PRP4K: variants seen among roughly 807,000 people sequenced by gnomAD.
PRP4K encodes pre-mRNA processing factor kinase PRP4K.
At chr6:4,047,286 AT>A in the PRP4K span, 8 of 1,464,640 alleles carry the variant, frequency 5.5e-6, no homozygotes, top group East Asian at 2.3e-5. Context: ...ACAAAAAAAA[AT>A]AACAAATATA....
the PRP4K span, among the ~76,000 whole-genome samples, chr6:4,057,782 TCTTG>T: frequency 7.6e-6 from 1 of 131,158 alleles, no homozygotes; most frequent in East Asian, 2.4e-4. Context: ...TGAGACGGAG[TCTTG>T]CTTTGTCGCC....
the PRP4K span, chr6:4,032,650 A>T: frequency 6.2e-7 from 1 of 1,614,086 alleles, no homozygotes; most frequent in Non-Finnish European, 8.5e-7. Flanking sequence ...AGATCTAAGC[A>T]GAGCAAATCC....
chr6:4,049,201 A>G, the PRP4K span: 20 of 1,146,922 alleles, frequency 1.7e-5, no homozygotes. Flanking sequence ...AGAACTCTGA[A>G]AAATCACATC....
At chr6:4,027,476 C>T in the PRP4K span, among the ~76,000 whole-genome samples, 1 of 152,020 alleles carries the variant, frequency 6.6e-6, no homozygotes, top group Non-Finnish European at 1.5e-5. Context: ...AGAATCTATG[C>T]TCTTTGATGC....
At chr6:4,054,676 T>G in the PRP4K span, among the ~76,000 whole-genome samples, 3 of 152,150 alleles carry the variant, frequency 2.0e-5, no homozygotes, top group Admixed American at 6.5e-5. Flanking sequence ...CCAGCTAATT[T>G]TTGTATTTTA....
At chr6:4,036,979 C>A in the PRP4K span, among the ~76,000 whole-genome samples, 1 of 65,504 alleles carries the variant, frequency 1.5e-5, no homozygotes, top group South Asian at 5.3e-4. Flanking sequence ...GAGTTAGACC[C>A]TGTCTCAAAA....
chr6:4,031,541 T>C, the PRP4K span: 1 of 1,439,872 alleles, frequency 6.9e-7, no homozygotes, highest in Non-Finnish European at 9.4e-7. Flanking sequence ...TTTTAAAATG[T>C]GTTTGATATA....
At chr6:4,029,540 A>G in the PRP4K span, among the ~76,000 whole-genome samples, 13 of 151,400 alleles carry the variant, frequency 8.6e-5, no homozygotes, top group Non-Finnish European at 1.8e-4. Context: ...TTTAATAAAG[A>G]TGAGGTCTCA....
At chr6:4,047,639 C>A in the PRP4K span, among the ~76,000 whole-genome samples, 2 of 152,018 alleles carry the variant, frequency 1.3e-5, no homozygotes, top group Non-Finnish European at 2.9e-5. Context: ...TGATTGAGAA[C>A]TTATTAATAG....
the PRP4K span, among the ~76,000 whole-genome samples, chr6:4,030,634 G>C: frequency 6.6e-6 from 1 of 152,166 alleles, no homozygotes; most frequent in Non-Finnish European, 1.5e-5. Context: ...TTTAAGCACA[G>C]AATCCCCCAC....
the PRP4K span, chr6:4,060,281 TG>T: frequency 5.6e-5 from 44 of 788,032 alleles, 1 homozygote; most frequent in Non-Finnish European, 7.3e-5. This position sits in a 1 kb window ranked among gnomAD's most constrained non-coding sequence, Gnocchi z 4.7. Context: ...GCCCAAAATG[TG>T]CACTGTGTGT....
chr6:4,064,966 A>G, the PRP4K span: 1 of 152,444 alleles, frequency 6.6e-6, no homozygotes, highest in Non-Finnish European at 1.5e-5. Context: ...ACTGAATAAA[A>G]TATGCCTCTT....
At chr6:4,027,601 G>A in the PRP4K span, among the ~76,000 whole-genome samples, 2 of 122,252 alleles carry the variant, frequency 1.6e-5, no homozygotes, top group African/African-American at 3.0e-5. Flanking sequence ...GCGGAGGGGT[G>A]GGGGGGTGGG....
the PRP4K span, chr6:4,040,865 T>C: frequency 6.2e-7 from 1 of 1,613,962 alleles, no homozygotes; most frequent in Admixed American, 1.7e-5. Context: ...TAAAGGAAGA[T>C]AAATTTAAAG....
At chr6:4,039,853 C>T in the PRP4K span, among the ~76,000 whole-genome samples, 3 of 148,560 alleles carry the variant, frequency 2.0e-5, no homozygotes, top group African/African-American at 7.5e-5. Flanking sequence ...CCTCCCTTCC[C>T]CTCCGATCTT....
At chr6:4,053,283 T>C in the PRP4K span, among the ~76,000 whole-genome samples, 2 of 152,208 alleles carry the variant, frequency 1.3e-5, no homozygotes, top group Admixed American at 1.3e-4. Context: ...TCAAACACAA[T>C]AAAGCTCAGT....
chr6:4,047,534 C>T, the PRP4K span, among the ~76,000 whole-genome samples: 1 of 152,082 alleles, frequency 6.6e-6, no homozygotes, highest in Non-Finnish European at 1.5e-5. Context: ...CATACACATA[C>T]ATGTGGTAGT....
At chr6:4,042,679 T>A in the PRP4K span, 1 of 690,396 alleles carries the variant, frequency 1.4e-6, no homozygotes, top group Non-Finnish European at 2.3e-6. Flanking sequence ...GGATAGTATA[T>A]ATAAAATTAT....
At chr6:4,034,802 T>A in the PRP4K span, among the ~76,000 whole-genome samples, 1 of 151,978 alleles carries the variant, frequency 6.6e-6, no homozygotes, top group Non-Finnish European at 1.5e-5. Context: ...AACCTCTGCC[T>A]CCTGGGTTCA....
Sources: gnomAD v4.1 joint callset for allele counts (sites outside exome capture counted in the v4.1 genomes callset) on GRCh38, gnomAD v4.1.1 for gene constraint, Gnocchi (gnomAD v3.1) non-coding constraint, MANE v1.5 for transcripts, NCBI Gene and HGNC (gene_info 2026-07-23, HGNC 2026-07-21) for gene names.